Variants in ADGRL3 observed in about 807,000 individuals in gnomAD.
ADGRL3 encodes calcium-independent alpha-latrotoxin receptor 3.
A neutral mutation model predicts 153.5 loss-of-function variants in ADGRL3; 62 were observed. The observed-to-expected ratio is 0.40, with a 90% CI of 0.33 to 0.50. The LOEUF is 0.50. Ranked by LOEUF, ADGRL3 falls within the 20% of genes least tolerant of loss-of-function variation. The pLI, the probability that ADGRL3 is intolerant of heterozygous loss-of-function variation, is 0.47. For synonymous variants in ADGRL3, 710 were observed against 672.5 expected, an observed-to-expected ratio of 1.06 and a Z score of -0.86; for missense variants, 1,641 against 1,859.4, an observed-to-expected ratio of 0.88 and a Z score of 2.16.
chr4:61,508,560 A>G (rs1285275680), intron 3 of ADGRL3, among the ~76,000 whole-genome samples: 2 of 151,980 alleles, frequency 1.3e-5, no homozygotes, highest in Non-Finnish European at 2.9e-5. Flanking sequence ...TTTTTTCCTC[A>G]TGTCATCTGT....
At chr4:61,967,367 C>A (rs1483847341) in intron 17 of ADGRL3, among the ~76,000 whole-genome samples, 2 of 151,810 alleles carry the variant, frequency 1.3e-5, no homozygotes, top group Non-Finnish European at 2.9e-5. Flanking sequence ...CATTTCTTTT[C>A]TTTTTAATAG....
intron 24 of ADGRL3, among the ~76,000 whole-genome samples, chr4:62,042,117 A>G (rs1381133288): frequency 6.6e-6 from 1 of 152,122 alleles, no homozygotes; most frequent in Non-Finnish European, 1.5e-5. Context: ...ACACATGCAC[A>G]TATATAATAT....
chr4:61,802,575 A>G (rs1454760968), intron 8 of ADGRL3, among the ~76,000 whole-genome samples: 1 of 152,104 alleles, frequency 6.6e-6, no homozygotes, highest in African/African-American at 2.4e-5. Context: ...CTCATCGGTC[A>G]TCAGGGAACA....
intron 11 of ADGRL3, among the ~76,000 whole-genome samples, chr4:61,896,580 A>G (rs938846129): frequency 1.3e-5 from 2 of 152,102 alleles, no homozygotes; most frequent in African/African-American, 4.8e-5. Flanking sequence ...TCTTTTCTCT[A>G]TTTGTTTTTA....
intron 4 of ADGRL3, among the ~76,000 whole-genome samples, chr4:61,574,102 C>T (rs141181503): frequency 0.014 from 2,199 of 152,068 alleles, 26 homozygotes; most frequent in Middle Eastern, 0.051. Flanking sequence ...AGGGCATTTA[C>T]ACCTATCCAG....
At chr4:61,964,760 A>G (rs2098999937) in intron 17 of ADGRL3, among the ~76,000 whole-genome samples, 1 of 151,996 alleles carries the variant, frequency 6.6e-6, no homozygotes, top group African/African-American at 2.4e-5. Flanking sequence ...TTATTTTAAA[A>G]AAATTTAAAT....
In ADGRL3 at chr4:61,622,377, A is replaced by G. The variant is rs568534165; in HGVS notation, c.473+34937A>G. Reference sequence around the variant, plus strand: ...TCTCACTGGGTGTTACAAAGGACACATATCCAACAATGAGAGGATGAACTT... The same window carrying G: ...TCTCACTGGGTGTTACAAAGGACACGTATCCAACAATGAGAGGATGAACTT... On this transcript the variant is annotated intron_variant, in intron 5 of 26. Transcript: ENST00000683033. Among the ~76,000 whole-genome samples, 7 of 152,322 alleles carry G rather than the reference A, an allele frequency of 4.6e-5. No homozygotes were observed. The South Asian group carries it at 1.4e-3, about 32-fold the overall frequency.
At chr4:61,788,070 C>T (rs1207308023) in intron 8 of ADGRL3, among the ~76,000 whole-genome samples, 7 of 152,208 alleles carry the variant, frequency 4.6e-5, no homozygotes, top group East Asian at 1.9e-4. Context: ...CATATTTTTG[C>T]AATTGGGAAT....
intron 1 of ADGRL3, among the ~76,000 whole-genome samples, chr4:61,273,816 G>A (rs975523209): frequency 6.6e-6 from 1 of 152,006 alleles, no homozygotes; most frequent in Non-Finnish European, 1.5e-5. Flanking sequence ...TACATTTTGT[G>A]TTATTGACTA....
chr4:61,915,676 C>T (rs1485600231), intron 13 of ADGRL3, among the ~76,000 whole-genome samples: 1 of 152,118 alleles, frequency 6.6e-6, no homozygotes, highest in Non-Finnish European at 1.5e-5. Context: ...CAGAAATGCT[C>T]TGCTAATACA....
chr4:61,939,819 C>A (rs2098871691), intron 15 of ADGRL3, among the ~76,000 whole-genome samples: 1 of 152,130 alleles, frequency 6.6e-6, no homozygotes, highest in Non-Finnish European at 1.5e-5. Context: ...CAGTGTATAC[C>A]ATTTGCTGTC....
intron 25 of ADGRL3, among the ~76,000 whole-genome samples, chr4:62,060,375 G>A (rs568196633): frequency 9.9e-5 from 15 of 152,026 alleles, no homozygotes; most frequent in Admixed American, 6.6e-4. Flanking sequence ...AATACGGAGA[G>A]ATGCAGCTGT....
At chr4:61,896,519 G>A (rs1374530112) in intron 11 of ADGRL3, among the ~76,000 whole-genome samples, 8 of 152,102 alleles carry the variant, frequency 5.3e-5, no homozygotes, top group South Asian at 2.1e-4. Context: ...AGATTTTCCC[G>A]AGAAATATTA....
chr4:61,837,301 C>T (rs1002263493), intron 9 of ADGRL3, among the ~76,000 whole-genome samples: 2 of 152,082 alleles, frequency 1.3e-5, no homozygotes, highest in African/African-American at 2.4e-5. Flanking sequence ...GGAGAAAAAG[C>T]TTATTTAAAA....
At chr4:61,501,151 C>A (rs1032445584) in intron 3 of ADGRL3, among the ~76,000 whole-genome samples, 2 of 152,112 alleles carry the variant, frequency 1.3e-5, no homozygotes, top group African/African-American at 2.4e-5. Flanking sequence ...GTTTATCTGT[C>A]AACTGGTTAA....
At chr4:62,048,496 C>T (rs776400475) in intron 25 of ADGRL3, among the ~76,000 whole-genome samples, 5 of 151,868 alleles carry the variant, frequency 3.3e-5, no homozygotes, top group Non-Finnish European at 5.9e-5. Flanking sequence ...CTCCTGACCT[C>T]GTGATCCACC....
intron 5 of ADGRL3, among the ~76,000 whole-genome samples, chr4:61,607,415 G>A (rs890603985): frequency 6.6e-6 from 1 of 152,108 alleles, no homozygotes; most frequent in Non-Finnish European, 1.5e-5. Flanking sequence ...TGACCAATAT[G>A]GTGAAACCCC....
At chr4:61,602,238 G>A (rs539538487) in intron 5 of ADGRL3, among the ~76,000 whole-genome samples, 19 of 152,096 alleles carry the variant, frequency 1.2e-4, no homozygotes, top group South Asian at 4.2e-4. Flanking sequence ...TAAGTCCAAC[G>A]AAAAGCCTCT....
At chr4:61,821,361 A>G (rs1395914796) in intron 9 of ADGRL3, among the ~76,000 whole-genome samples, 5 of 150,350 alleles carry the variant, frequency 3.3e-5, no homozygotes, top group African/African-American at 9.9e-5. Flanking sequence ...TTATTTGTTT[A>G]TTTATTTATT....
Sources: allele counts gnomAD v4.1 joint callset (sites outside exome capture counted in the v4.1 genomes callset), GRCh38; gene constraint gnomAD v4.1.1; transcripts MANE v1.5; gene names NCBI Gene and HGNC (gene_info 2026-07-23, HGNC 2026-07-21).